The following MRE11 variants were observed in gnomAD, a reference collection of about 807,000 sequenced individuals.
MRE11 encodes double-strand break repair protein MRE11.
MRE11 carries 62 observed loss-of-function variants against 91.7 expected under a neutral mutation model. The observed-to-expected ratio is 0.68, with a 90% CI of 0.55 to 0.84. MRE11 has a LOEUF of 0.84. Among genes scored for constraint, MRE11 ranks in the 40% least tolerant of loss-of-function variants. The pLI is 0.00. For missense variants in MRE11, 796 were observed against 852.9 expected (o/e 0.93, Z 0.83); for synonymous variants, 273 against 271.4 (o/e 1.01, Z -0.06).
Position 94,478,969 on chromosome 11 carries a change from TC to T in MRE11, c.403-94del, listed in dbSNP as rs1308671770. On this transcript the variant is annotated intron_variant, in intron 5 of 19. Coordinates refer to ENST00000323929, the MANE Select transcript of MRE11 (RefSeq NM_005591.4). ...CACCTGTTAAAAGCATACTCCATATTCTACTTACAAAAACATAGATGAGGAT... is the reference window on the plus strand; with the variant it reads ...CACCTGTTAAAAGCATACTCCATATTTACTTACAAAAACATAGATGAGGAT... 6 of 1,354,468 alleles carry T rather than the reference TC, an allele frequency of 4.4e-6. No individual in the cohort carries two copies. In the African/African-American group the frequency reaches 8.6e-5, roughly 19 times the overall value. The allele number at this position is 1,354,468 out of a possible 1,614,324, so 83.9% of individuals were successfully genotyped here. A position where few individuals can be genotyped will look rare whatever the true frequency, so the allele number is the denominator to read the frequency against.
chr11:94,437,314 G>T, intron 16 of MRE11, 79 bp from the exon 17 acceptor site: 2 of 1,356,008 alleles, frequency 1.5e-6, no homozygotes, highest in South Asian at 1.3e-5. Flanking sequence ...TTTAGCTAAA[G>T]ATTTTCTGAG....
intron 2 of MRE11, 87 bp downstream of exon 2, chr11:94,492,695 A>C: frequency 1.3e-6 from 2 of 1,558,466 alleles, no homozygotes; most frequent in Middle Eastern, 1.7e-4. Context: ...TTTACTGCTT[A>C]TTAAATAAGT....
rs553013503 is a variant in MRE11, at chr11:94,476,790, A to G, written c.545-387T>C. Among the ~76,000 whole-genome samples the G allele has an allele frequency of 5.3e-5, 8 of 151,974 alleles. No individual in the cohort carries two copies. In the East Asian group the frequency reaches 1.6e-3, roughly 29 times the overall value. ...GGCTGGAGTGCAGTGGTGTGATCTC[A>G]GCTCACTGCAACCTTCACCTCCTGG... On this transcript the variant is annotated intron_variant, in intron 6 of 19. Coordinates refer to ENST00000323929, the MANE Select transcript of MRE11 (RefSeq NM_005591.4).
At position 94,419,465 on chromosome 11, in the gene MRE11, G is replaced by GGAGAGAGAGAGAGAGAGAGAGAGA. The variant is rs201800515; in HGVS notation, c.*636_*659dup. On this transcript the variant is annotated 3_prime_UTR_variant, in exon 20 of 20. Transcript: ENST00000323929. Reference sequence around the variant, plus strand: ...GAAGAGTGGGGAACGGGGGGGAGAGGGAGAGAGAGAGAGAGAGAGAGAGAG... The same window carrying GGAGAGAGAGAGAGAGAGAGAGAGA: ...GAAGAGTGGGGAACGGGGGGGAGAGGGAGAGAGAGAGAGAGAGAGAGAGAGAGAGAGAGAGAGAGAGAGAGAGAG... The GGAGAGAGAGAGAGAGAGAGAGAGA allele has an allele frequency of 1.1e-4, 23 of 216,430 alleles. No individual in the cohort carries two copies. Among genetic ancestry groups the GGAGAGAGAGAGAGAGAGAGAGAGA allele is most frequent in the African/African-American group, 5.6e-4 (23 of 40,708 alleles). The allele number at this position is 216,430 out of a possible 1,614,324, so 13.4% of individuals were successfully genotyped here.
chr11:94,462,940 T>G (rs1394250005), intron 11 of MRE11, among the ~76,000 whole-genome samples: 4 of 152,188 alleles, frequency 2.6e-5, no homozygotes, highest in African/African-American at 7.2e-5. Flanking sequence ...GGGATCTAAG[T>G]AAACTAAAGA....
Position 94,464,121 on chromosome 11 carries a change from T to C in MRE11, c.1217A>G (p.Glu406Gly). 1.2e-6 allele frequency: 2 copies of C among 1,613,474 alleles called. No individual in the cohort carries two copies. The highest frequency in any genetic ancestry group is 2.2e-5 in the East Asian group (1 of 44,812). The change falls in exon 11 of 20, where the codon GAA becomes GGA. Residue 406 changes from glutamate (E) to glycine (G), a missense_variant. Transcript: ENST00000323929. ...IHFFRHREQK[E>G]KTGEEINFGK... ...AAAAATAACTAGCTTACCTGTTTTT[T>C]CCTTTTGTTCTCTATGCCTGAAAAA...
At chr11:94,492,258 T>C (rs1212704728) in intron 2 of MRE11, among the ~76,000 whole-genome samples, 1 of 152,176 alleles carries the variant, frequency 6.6e-6, no homozygotes, top group Non-Finnish European at 1.5e-5. Context: ...CTGGCTAATT[T>C]TGTATTTTTA....
At chr11:94,420,231 AAAC>A in intron 19 of MRE11, 50 bp from the exon 20 acceptor site, 3 of 1,466,550 alleles carry the variant, frequency 2.0e-6, no homozygotes, top group Non-Finnish European at 2.8e-6. Flanking sequence ...TGCTTCACTG[AAAC>A]AAGACAGAAG....
rs757790109 is a variant in MRE11 at position 94,419,151 on chromosome 11, G to C, written c.*974C>G. ...AATTCTTATTTCTCCCCGAAAACAA[G>C]TAAAAAATAGAAGCTTAACATGGGC... On this transcript the variant is annotated 3_prime_UTR_variant, in exon 20 of 20. Coordinates refer to ENST00000323929, the MANE Select transcript of MRE11 (RefSeq NM_005591.4). 110 of 232,440 alleles carry C rather than the reference G, an allele frequency of 4.7e-4. 1 individual carries two copies. The highest frequency in any genetic ancestry group is 5.4e-4 in the Non-Finnish European group (64 of 117,712). The allele number at this position is 232,440 out of a possible 1,614,324, so 14.4% of individuals were successfully genotyped here.
Position 94,415,843 on chromosome 11 carries a change from C to T in MRE11, c.*4282G>A, listed in dbSNP as rs1945021907. 3 of 152,384 alleles carry T rather than the reference C, an allele frequency of 2.0e-5. No homozygotes were observed. Among genetic ancestry groups the T allele is most frequent in the African/African-American group, 7.2e-5 (3 of 41,566 alleles). 9.4% of individuals were successfully genotyped at this position (152,384 alleles called of 1,614,324 possible). A position where few individuals can be genotyped will look rare whatever the true frequency, so the allele number is the denominator to read the frequency against. On this transcript the variant is annotated 3_prime_UTR_variant, in exon 20 of 20. Coordinates refer to ENST00000323929, the MANE Select transcript of MRE11 (RefSeq NM_005591.4). ...ATAGATTGATTGAGACAGAGTCTTGCTCTGTTGCCCAGGCTGGAGTGCAAT... is the reference window on the plus strand; with the variant it reads ...ATAGATTGATTGAGACAGAGTCTTGTTCTGTTGCCCAGGCTGGAGTGCAAT...
Position 94,486,051 on chromosome 11 carries a change from G to GA in MRE11, c.186dup (p.His63SerfsTer2). 6.2e-7 allele frequency: 1 copy of GA among 1,613,504 alleles called. No homozygotes were observed. The highest frequency in any genetic ancestry group is 1.3e-5 in the African/African-American group (1 of 74,918). ...GTTTTCCTTGAGGGCTTATTTTCAT[G>GA]AAAAAGATCACCACCTAACAAAATA... On this transcript the variant is annotated frameshift_variant, in exon 4 of 20. Transcript: ENST00000323929. LOFTEE classifies it high-confidence loss of function.
chr11:94,430,832 T>C (rs1483311088), intron 18 of MRE11, among the ~76,000 whole-genome samples: 1 of 152,242 alleles, frequency 6.6e-6, no homozygotes, highest in Non-Finnish European at 1.5e-5. Context: ...ATAAGAAATT[T>C]AAGTCACTTT....
chr11:94,511,183 C>CTATA, the MRE11 span, among the ~76,000 whole-genome samples: 2 of 151,950 alleles, frequency 1.3e-5, no homozygotes, highest in African/African-American at 2.4e-5. Flanking sequence ...CGCTCTCTCT[C>CTATA]TATATATATA....
intron 15 of MRE11, 124 bp from the exon 16 acceptor site, chr11:94,446,017 T>TA (rs1440749243): frequency 1.4e-6 from 1 of 737,668 alleles, no homozygotes; most frequent in African/African-American, 1.7e-5. Context: ...AAGCCAGACA[T>TA]ATATATAAGA....
chr11:94,477,071 A>G (rs1253120729), intron 6 of MRE11, among the ~76,000 whole-genome samples: 2 of 152,196 alleles, frequency 1.3e-5, no homozygotes, highest in Non-Finnish European at 2.9e-5. Flanking sequence ...AACATTTTCC[A>G]TTTCAGACAT....
chr11:94,502,379 A>C, the MRE11 span, among the ~76,000 whole-genome samples: 1 of 152,190 alleles, frequency 6.6e-6, no homozygotes, highest in East Asian at 1.9e-4. Flanking sequence ...CAAATGTCAC[A>C]GCTTTTTACC....
chr11:94,501,458 A>C, the MRE11 span, among the ~76,000 whole-genome samples: 1 of 152,294 alleles, frequency 6.6e-6, no homozygotes, highest in East Asian at 1.9e-4. Context: ...GGTGAAATTA[A>C]TTTTATATAT....
chr11:94,490,854 T>G lies in MRE11; in HGVS notation c.132A>C (p.Leu44Phe). 1 of 1,613,668 alleles carries G rather than the reference T, an allele frequency of 6.2e-7. No individual in the cohort carries two copies. The highest frequency in any genetic ancestry group is 2.2e-5 in the East Asian group (1 of 44,798). The change falls in exon 3 of 20, where the codon TTA becomes TTC. Residue 44 changes from leucine to phenylalanine, a missense_variant. Physicochemically the swap from Leu to Phe is conservative, Grantham distance 22. Transcript: ENST00000323929. ...TCACTTCATTTTCCTGGGCAAGTCT[T>G]AAAATTTCATCGAGTGTTACAAACG... is the stretch of plus-strand genomic sequence containing the variant. ...NDTFVTLDEILRLAQENEVDF... is the reference protein window; with the variant it reads ...NDTFVTLDEIFRLAQENEVDF...
At chr11:94,449,976 C>G (rs1946055348) in intron 14 of MRE11, among the ~76,000 whole-genome samples, 2 of 152,224 alleles carry the variant, frequency 1.3e-5, no homozygotes, top group African/African-American at 4.8e-5. Context: ...CATTTTTGTA[C>G]TTTTGCTTTG....
Sources: gnomAD v4.1 joint callset for allele counts (sites outside exome capture counted in the v4.1 genomes callset) on GRCh38, gnomAD v4.1.1 for gene constraint, MANE v1.5 for transcripts, NCBI Gene and HGNC (gene_info 2026-07-23, HGNC 2026-07-21) for gene names.